The following TRIM16 variants were observed in gnomAD, a reference collection of about 807,000 sequenced individuals.
TRIM16 encodes the protein tripartite motif containing 16.
TRIM16 carries 33 observed loss-of-function variants against 50.4 expected under a neutral mutation model. The observed-to-expected ratio is 0.65, with a 90% CI of 0.50 to 0.88. TRIM16 has a LOEUF of 0.88. Ranked by LOEUF, TRIM16 falls within the 40% of genes least tolerant of loss-of-function variation. The pLI is 0.00. For missense variants in TRIM16, 581 were observed against 686.8 expected, an observed-to-expected ratio of 0.85 and a Z score of 1.72; for synonymous variants, 229 against 270.7, an observed-to-expected ratio of 0.85 and a Z score of 1.51.
At chr17:15,672,479 A>AT (rs1388172450) in intron 6 of TRIM16, among the ~76,000 whole-genome samples, 1 of 151,336 alleles carries the variant, frequency 6.6e-6, no homozygotes, top group Non-Finnish European at 1.5e-5. Context: ...CATGCCAGTA[A>AT]TGCCAGCACT....
At chr17:15,646,074 C>T (rs1452064846) in intron 7 of TRIM16, among the ~76,000 whole-genome samples, 1 of 152,132 alleles carries the variant, frequency 6.6e-6, no homozygotes, top group East Asian at 1.9e-4. Context: ...TGTGTTGAAG[C>T]AGTCGGCAGC....
intron 4 of TRIM16, among the ~76,000 whole-genome samples, chr17:15,679,953 A>AG (rs1989116973): frequency 6.7e-6 from 1 of 148,558 alleles, no homozygotes; most frequent in East Asian, 2.0e-4. Context: ...AAAAAAAAAG[A>AG]AAAAAAGAAA....
At chr17:15,635,608 G>A (rs1037043307) in intron 9 of TRIM16, among the ~76,000 whole-genome samples, 2 of 116,690 alleles carry the variant, frequency 1.7e-5, no homozygotes, top group African/African-American at 7.0e-5. Context: ...CATACTCACT[G>A]ACTCCATCAT....
At chr17:15,636,786 G>A (rs1567671443) in intron 8 of TRIM16, among the ~76,000 whole-genome samples, 1 of 148,840 alleles carries the variant, frequency 6.7e-6, no homozygotes. Context: ...TGTTTAGGGT[G>A]CAGACGACCA....
intron 6 of TRIM16, among the ~76,000 whole-genome samples, chr17:15,665,145 G>T (rs183033239): frequency 6.6e-6 from 1 of 152,012 alleles, no homozygotes; most frequent in African/African-American, 2.4e-5. Context: ...TTAAGCTGCT[G>T]CTATACAACT....
intron 6 of TRIM16, among the ~76,000 whole-genome samples, chr17:15,670,351 C>CT (rs1988672012): frequency 6.6e-6 from 1 of 152,212 alleles, no homozygotes; most frequent in Admixed American, 6.5e-5. Flanking sequence ...CAGTCAATAA[C>CT]TACCACTAAA....
At chr17:15,679,703 C>T (rs1452813308) in intron 4 of TRIM16, among the ~76,000 whole-genome samples, 1 of 151,902 alleles carries the variant, frequency 6.6e-6, no homozygotes, top group Non-Finnish European at 1.5e-5. Flanking sequence ...TTTGGGAGGC[C>T]GAGGCGGGCA....
At chr17:15,630,254 A>G (rs1986347089) in intron 11 of TRIM16, among the ~76,000 whole-genome samples, 1 of 152,030 alleles carries the variant, frequency 6.6e-6, no homozygotes, top group African/African-American at 2.4e-5. Context: ...CTACCGATCC[A>G]TTCAGGCTAC....
At chr17:15,633,996 C>G (rs1391960378) in intron 9 of TRIM16, among the ~76,000 whole-genome samples, 4 of 142,540 alleles carry the variant, frequency 2.8e-5, no homozygotes, top group Admixed American at 1.4e-4. Flanking sequence ...AGTTCGAGAC[C>G]AGCCTGGCCA....
chr17:15,629,256 A>T (rs1405636833), intron 11 of TRIM16, 58 bp from the exon 12 acceptor site: 1 of 1,259,240 alleles, frequency 7.9e-7, no homozygotes, highest in Admixed American at 2.6e-5. Context: ...ATTCAGACAG[A>T]ATGCTTTAAA....
At chr17:15,683,228 C>T in intron 1 of TRIM16, 71 bp from the exon 2 acceptor site, 1 of 1,158,068 alleles carries the variant, frequency 8.6e-7, no homozygotes, top group African/African-American at 1.6e-5. Context: ...CTCTGAGACT[C>T]TACTCAGAAC....
intron 3 of TRIM16, among the ~76,000 whole-genome samples, chr17:15,681,805 A>G (rs1435841438): frequency 2.0e-5 from 3 of 152,194 alleles, no homozygotes; most frequent in African/African-American, 4.8e-5. Context: ...TATTTCTTCA[A>G]TCCTCTCTCC....
chr17:15,680,935 G>C lies in TRIM16; in HGVS notation c.-660C>G. Reference sequence around the variant, plus strand: ...AAGATACCCCTTTTGGGAAAGGGCAGGGTCCTCAGAGGGCAGAACTGGAAG... The same window carrying C: ...AAGATACCCCTTTTGGGAAAGGGCACGGTCCTCAGAGGGCAGAACTGGAAG... On this transcript the variant is annotated 5_prime_UTR_variant, in exon 4 of 12. Coordinates refer to ENST00000649191, the MANE Select transcript of TRIM16 (RefSeq NM_001348119.1). The C allele has an allele frequency of 6.5e-7, 1 of 1,540,804 alleles. No individual in the cohort carries two copies. Among genetic ancestry groups the C allele is most frequent in the South Asian group, 1.2e-5 (1 of 81,766 alleles).
chr17:15,679,936 C>T (rs76451214), intron 4 of TRIM16, among the ~76,000 whole-genome samples: 1 of 128,646 alleles, frequency 7.8e-6, no homozygotes, highest in Non-Finnish European at 1.6e-5. Flanking sequence ...GACTATGTCT[C>T]AAAAAAAAAA....
chr17:15,659,235 G>A (rs916080980), intron 6 of TRIM16, among the ~76,000 whole-genome samples: 3 of 152,164 alleles, frequency 2.0e-5, no homozygotes, highest in Admixed American at 6.5e-5. Flanking sequence ...GGTGCACCAC[G>A]GTCATTTCTT....
chr17:15,651,650 T>C lies in TRIM16; in HGVS notation c.-41A>G. On this transcript the variant is annotated 5_prime_UTR_variant, in exon 7 of 12. Transcript: ENST00000649191. ...CCTAGGCTGTCTTTCTTCTGTCCCTTGGCCCAGGATCTGTGCAGCCCAAGT... is the reference window on the plus strand; with the variant it reads ...CCTAGGCTGTCTTTCTTCTGTCCCTCGGCCCAGGATCTGTGCAGCCCAAGT... 1 of 1,592,502 alleles carries C rather than the reference T, an allele frequency of 6.3e-7. No individual in the cohort carries two copies. The highest frequency in any genetic ancestry group is 8.5e-7 in the Non-Finnish European group (1 of 1,170,166).
intron 1 of TRIM16, chr17:15,683,577 T>A (rs1296027818): frequency 6.2e-6 from 1 of 161,330 alleles, no homozygotes. Flanking sequence ...TGCCTACTAT[T>A]AATAAAAGCA....
At position 15,679,121 on chromosome 17, in the gene TRIM16, C is replaced by T. The variant is rs1989070922; in HGVS notation, c.-589-1400G>A. On this transcript the variant is annotated intron_variant, in intron 4 of 11. Coordinates refer to ENST00000649191, the MANE Select transcript of TRIM16 (RefSeq NM_001348119.1). ...CACAGACTCCTGACCTCAGGTGATC[C>T]GCCCACCTCGGCCTCCCAAAGTGCT... Among the ~76,000 whole-genome samples the T allele has an allele frequency of 2.6e-5, 4 of 152,176 alleles. No homozygotes were observed. The South Asian group carries it at 8.3e-4, about 32-fold the overall frequency.
rs2150906297 is a variant in TRIM16, at chr17:15,638,880, C to A, written c.616-2611G>T. Among the ~76,000 whole-genome samples the A allele has an allele frequency of 1.4e-5, 2 of 143,894 alleles. 1 individual carries two copies. Among genetic ancestry groups the A allele is most frequent in the Middle Eastern group, 7.0e-3 (2 of 284 alleles). 94.4% of individuals were successfully genotyped at this position (143,894 alleles called of 152,430 possible). ...GATAGGTCTTCTGCCTGGCTCAGGC[C>A]CTGGCTTAGGCCAGGGCTCAGCAAT... On this transcript the variant is annotated intron_variant, in intron 8 of 11. Coordinates refer to ENST00000649191, the MANE Select transcript of TRIM16 (RefSeq NM_001348119.1).
Sources: gnomAD v4.1 joint callset for allele counts (sites outside exome capture counted in the v4.1 genomes callset) on GRCh38, gnomAD v4.1.1 for gene constraint, MANE v1.5 for transcripts, NCBI Gene and HGNC (gene_info 2026-07-23, HGNC 2026-07-21) for gene names.